CFAP161: variants seen among roughly 807,000 people sequenced by gnomAD.
CFAP161 encodes the protein cilia- and flagella-associated protein 161.
A neutral mutation model predicts 29.0 loss-of-function variants in CFAP161; 25 were observed. The observed-to-expected ratio is 0.86, with a 90% confidence interval of 0.63 to 1.20. CFAP161 has a LOEUF of 1.20. Ranked by LOEUF, CFAP161 falls within the 50% of genes most tolerant of loss-of-function variation. CFAP161 has a pLI of 0.00. For synonymous variants in CFAP161, 116 were observed against 137.4 expected, an observed-to-expected ratio of 0.84 and a Z score of 1.09; for missense variants, 367 against 371.9, an observed-to-expected ratio of 0.99 and a Z score of 0.11.
chr15:81,141,954 G>C (rs925713575), intron 4 of CFAP161, among the ~76,000 whole-genome samples: 1 of 152,142 alleles, frequency 6.6e-6, no homozygotes, highest in Non-Finnish European at 1.5e-5. Flanking sequence ...AAAGTGCTGG[G>C]ATTACAGGCA....
chr15:81,116,305 A>AT lies in CFAP161; in HGVS notation c.-141-11279dup, dbSNP rs565757547. ...AAAAATTTTATTTTATTAAGAACAA[A>AT]TTTTTTGAGATGGATTCTTGCTCTG... On this transcript the variant is annotated intron_variant, in intron 1 of 4. Transcript: ENST00000560091. 6.4e-3 allele frequency among the ~76,000 whole-genome samples: 978 copies of AT among 151,994 alleles called. 11 individuals carry two copies. Among genetic ancestry groups the AT allele is most frequent in the African/African-American group, 0.023 (953 of 41,472 alleles).
At chr15:81,136,297 C>T (rs1304062273) in intron 2 of CFAP161, among the ~76,000 whole-genome samples, 3 of 152,096 alleles carry the variant, frequency 2.0e-5, no homozygotes, top group South Asian at 2.1e-4. Flanking sequence ...TGAGTAAATC[C>T]ATGTGATTTT....
intron 1 of CFAP161, among the ~76,000 whole-genome samples, chr15:81,120,854 A>G (rs1000729623): frequency 6.6e-6 from 1 of 152,234 alleles, no homozygotes; most frequent in African/African-American, 2.4e-5. Context: ...TTCCAACCTA[A>G]AACTAGATAA....
chr15:81,121,805 C>G (rs1894577214), intron 1 of CFAP161, among the ~76,000 whole-genome samples: 1 of 152,146 alleles, frequency 6.6e-6, no homozygotes, highest in Non-Finnish European at 1.5e-5. Flanking sequence ...CAGACTGTTT[C>G]ATCACCCAGG....
intron 5 of CFAP161, 36 bp downstream of exon 5, chr15:81,143,856 C>T (rs1394918075): frequency 6.3e-7 from 1 of 1,590,082 alleles, no homozygotes; most frequent in African/African-American, 1.3e-5. Context: ...GGTGTCTAGG[C>T]TATGAAATGG....
intron 1 of CFAP161, among the ~76,000 whole-genome samples, chr15:81,109,446 G>A (rs1302204447): frequency 6.6e-6 from 1 of 152,204 alleles, no homozygotes; most frequent in African/African-American, 2.4e-5. Context: ...AATGGTTTTG[G>A]CACCCATCAA....
At chr15:81,107,892 T>G (rs1458278540) in intron 1 of CFAP161, among the ~76,000 whole-genome samples, 2 of 152,162 alleles carry the variant, frequency 1.3e-5, no homozygotes, top group African/African-American at 4.8e-5. Flanking sequence ...TTTTCAATGT[T>G]TTCTTTCTCC....
chr15:81,138,321 T>G (rs1434629065), intron 4 of CFAP161, among the ~76,000 whole-genome samples, 186 bp downstream of exon 4: 1 of 152,162 alleles, frequency 6.6e-6, no homozygotes, highest in Non-Finnish European at 1.5e-5. Context: ...CCTTTTAACT[T>G]CCCAAATTAC....
intron 2 of CFAP161, 147 bp from the exon 3 acceptor site, chr15:81,136,369 G>A: frequency 1.5e-6 from 1 of 680,602 alleles, no homozygotes; most frequent in South Asian, 2.0e-5. Context: ...AAGGGGAAGG[G>A]AAAGGAAGAA....
At chr15:81,141,144 A>T (rs1894900720) in intron 4 of CFAP161, among the ~76,000 whole-genome samples, 1 of 152,250 alleles carries the variant, frequency 6.6e-6, no homozygotes, top group Non-Finnish European at 1.5e-5. Flanking sequence ...TCACATATTT[A>T]GTAACTTTGC....
chr15:81,104,188 T>C (rs1225109610), intron 1 of CFAP161, among the ~76,000 whole-genome samples: 5 of 152,164 alleles, frequency 3.3e-5, no homozygotes, highest in Admixed American at 6.5e-5. Context: ...AAAATCAAAA[T>C]TTTTTTCTGC....
rs1170399818 is a variant in CFAP161, at chr15:81,134,281, C to G, written c.-49C>G. ...CGGGTCGTCATGGCGACGCGCCACG[C>G]TAACGCATGGTGTCGGAGGGAGGCC... On this transcript the variant is annotated 5_prime_UTR_variant, in exon 1 of 7. Coordinates refer to ENST00000286732, the MANE Select transcript of CFAP161 (RefSeq NM_173528.4). 1.3e-6 allele frequency: 2 copies of G among 1,556,504 alleles called. No individual in the cohort carries two copies. Among genetic ancestry groups the G allele is most frequent in the African/African-American group, 2.7e-5 (2 of 73,912 alleles).
Position 81,148,263 on chromosome 15 carries a change from G to T in CFAP161, c.711-75G>T, listed in dbSNP as rs1595921993. 18 of 1,407,498 alleles carry T rather than the reference G, an allele frequency of 1.3e-5. No individual in the cohort carries two copies. The East Asian group carries it at 3.7e-4, about 29-fold the overall frequency. The allele number at this position is 1,407,498 out of a possible 1,614,324, so 87.2% of individuals were successfully genotyped here. On this transcript the variant is annotated intron_variant, in intron 6 of 6. Coordinates refer to ENST00000286732, the MANE Select transcript of CFAP161 (RefSeq NM_173528.4). ...AATCCGCTTCTTAAGGTGCTTTCGA[G>T]ATTAAATTATTAATAACAGCTTATT...
chr15:81,132,739 T>A (rs1298018725), upstream of CFAP161, among the ~76,000 whole-genome samples: 1 of 152,220 alleles, frequency 6.6e-6, no homozygotes, highest in African/African-American at 2.4e-5. Flanking sequence ...CTGCTTTGTT[T>A]TATTCTTGAT....
chr15:81,138,483 C>T (rs1257559398), intron 4 of CFAP161, among the ~76,000 whole-genome samples: 1 of 152,204 alleles, frequency 6.6e-6, no homozygotes, highest in South Asian at 2.1e-4. Flanking sequence ...GTTGCCAATG[C>T]TAGCAAGGCA....
Position 81,143,607 on chromosome 15 carries a change from T to G in CFAP161, c.478-55T>G. 1.9e-6 allele frequency: 3 copies of G among 1,554,022 alleles called. No individual in the cohort carries two copies. The Admixed American group carries it at 5.5e-5, about 28-fold the overall frequency. On this transcript the variant is annotated intron_variant, in intron 4 of 6. Coordinates refer to ENST00000286732, the MANE Select transcript of CFAP161 (RefSeq NM_173528.4). ...TCCAGCCAGTCAATTGCTTCTTTAT[T>G]CTCCAGCTTTTCACAGAGCTCTGAC...
At chr15:81,112,911 A>G (rs1442008950) in intron 1 of CFAP161, among the ~76,000 whole-genome samples, 1 of 152,214 alleles carries the variant, frequency 6.6e-6, no homozygotes, top group Non-Finnish European at 1.5e-5. Flanking sequence ...ATTTATTGCT[A>G]AGTAATACTG....
chr15:81,117,326 G>C (rs1894511171), intron 1 of CFAP161, among the ~76,000 whole-genome samples: 1 of 151,976 alleles, frequency 6.6e-6, no homozygotes, highest in African/African-American at 2.4e-5. Flanking sequence ...CAGTGTAATT[G>C]GTAGCCACAG....
At chr15:81,146,043 T>C (rs2141886513) in intron 5 of CFAP161, among the ~76,000 whole-genome samples, 1 of 152,324 alleles carries the variant, frequency 6.6e-6, no homozygotes, top group Admixed American at 6.5e-5. Context: ...AGGCCAGTGT[T>C]TGGTATTTAG....
Sources: gnomAD v4.1 joint callset for allele counts (sites outside exome capture counted in the v4.1 genomes callset) on GRCh38, gnomAD v4.1.1 for gene constraint, MANE v1.5 for transcripts, NCBI Gene and HGNC (gene_info 2026-07-23, HGNC 2026-07-21) for gene names.